Variants in ENTPD1 observed in about 807,000 individuals in gnomAD.
ENTPD1 encodes the protein ectonucleoside triphosphate diphosphohydrolase 1, also known as ATP diphosphohydrolase.
ENTPD1 carries 33 observed loss-of-function variants against 57.0 expected under a neutral mutation model. The observed-to-expected ratio is 0.58, with a 90% CI of 0.44 to 0.77. The LOEUF is 0.77. Ranked by LOEUF, ENTPD1 falls within the 30% of genes least tolerant of loss-of-function variation. The pLI is 0.00. For synonymous variants in ENTPD1, 202 were observed against 218.8 expected, an observed-to-expected ratio of 0.92 and a Z score of 0.68; for missense variants, 501 against 603.4, an observed-to-expected ratio of 0.83 and a Z score of 1.78.
Position 95,728,655 on chromosome 10 carries a change from A to G in ENTPD1, c.37+16662A>G, listed in dbSNP as rs1033633477. On this transcript the variant is annotated intron_variant, in intron 1 of 9. Transcript: ENST00000453258. ...ATGAGAGATCAGTTTTTACTGTGAC[A>G]CACAATTTACTGGAAAGATGAACTG... 2.6e-5 allele frequency among the ~76,000 whole-genome samples: 4 copies of G among 152,326 alleles called. No homozygotes were observed. The East Asian group carries it at 5.8e-4, about 22-fold the overall frequency.
intron 1 of ENTPD1, among the ~76,000 whole-genome samples, chr10:95,778,156 T>A (rs1481114407): frequency 1.3e-5 from 2 of 152,212 alleles, no homozygotes; most frequent in African/African-American, 2.4e-5. Context: ...CTGCACCCAC[T>A]GTCCAACCAG....
intron 7 of ENTPD1, among the ~76,000 whole-genome samples, chr10:95,849,272 T>C (rs2098440866): frequency 2.0e-5 from 3 of 152,236 alleles, no homozygotes; most frequent in African/African-American, 7.2e-5. Flanking sequence ...CATAGTTTAG[T>C]AGCATATTGA....
At chr10:95,778,094 C>A (rs527447988) in intron 1 of ENTPD1, among the ~76,000 whole-genome samples, 1 of 152,220 alleles carries the variant, frequency 6.6e-6, no homozygotes, top group African/African-American at 2.4e-5. Flanking sequence ...TGATCCCTTG[C>A]GCTTTCCAGG....
chr10:95,849,714 T>C (rs2098441639), intron 7 of ENTPD1, among the ~76,000 whole-genome samples: 1 of 152,242 alleles, frequency 6.6e-6, no homozygotes, highest in Non-Finnish European at 1.5e-5. Flanking sequence ...AGACAATGAC[T>C]GGCAGAGTAA....
At chr10:95,815,044 ACT>A (rs2098325334) in intron 1 of ENTPD1, among the ~76,000 whole-genome samples, 1 of 152,078 alleles carries the variant, frequency 6.6e-6, no homozygotes, top group African/African-American at 2.4e-5. Flanking sequence ...GTTTGTGCTG[ACT>A]TCTTTAAGTA....
intron 7 of ENTPD1, among the ~76,000 whole-genome samples, chr10:95,852,050 T>C (rs2098446195): frequency 2.6e-5 from 4 of 152,208 alleles, no homozygotes. Flanking sequence ...CCACCAACAG[T>C]GTAAAAGTGT....
chr10:95,704,014 C>A, the ENTPD1 span, among the ~76,000 whole-genome samples: 1 of 151,788 alleles, frequency 6.6e-6, no homozygotes, highest in South Asian at 2.1e-4. Context: ...TTGCTTGAAC[C>A]CGGGAGGCAG....
In ENTPD1 at chr10:95,869,382, T is replaced by C; in HGVS notation, c.*2999T>C. ...CTCCTGCCTCAGCCTCCCGAGTAGC[T>C]GGGATTGCAGGTGCCCACCACCACA... On this transcript the variant is annotated 3_prime_UTR_variant, in exon 10 of 10. Coordinates refer to ENST00000371205, the MANE Select transcript of ENTPD1 (RefSeq NM_001776.6). 1 of 702,434 alleles carries C rather than the reference T, an allele frequency of 1.4e-6. No homozygotes were observed. Among genetic ancestry groups the C allele is most frequent in the Non-Finnish European group, 1.7e-6 (1 of 572,256 alleles). 43.5% of individuals were successfully genotyped at this position (702,434 alleles called of 1,614,324 possible). A position where few individuals can be genotyped will look rare whatever the true frequency, so the allele number is the denominator to read the frequency against.
At chr10:95,863,959 T>C (rs1484849559) in intron 8 of ENTPD1, among the ~76,000 whole-genome samples, 1 of 152,142 alleles carries the variant, frequency 6.6e-6, no homozygotes, top group African/African-American at 2.4e-5. Context: ...CAGAGCAGGC[T>C]GTGGGTATCT....
At chr10:95,741,457 A>G (rs2098000226) in intron 1 of ENTPD1, among the ~76,000 whole-genome samples, 1 of 152,196 alleles carries the variant, frequency 6.6e-6, no homozygotes, top group Non-Finnish European at 1.5e-5. Flanking sequence ...ATAATGAAAA[A>G]TTTTAAATAT....
upstream of ENTPD1, among the ~76,000 whole-genome samples, chr10:95,706,865 C>T (rs554843202): frequency 4.8e-4 from 73 of 152,300 alleles, no homozygotes; most frequent in African/African-American, 1.8e-3. Context: ...TGCCCAGCAA[C>T]CTGTCTGCCT....
intron 1 of ENTPD1, among the ~76,000 whole-genome samples, chr10:95,819,678 T>C (rs1451326001): frequency 6.6e-6 from 1 of 152,038 alleles, no homozygotes; most frequent in East Asian, 1.9e-4. Flanking sequence ...AGGTGAAGAG[T>C]TGAAGTTAAT....
chr10:95,748,130 C>G (rs1049214058), intron 1 of ENTPD1, among the ~76,000 whole-genome samples: 3 of 152,228 alleles, frequency 2.0e-5, no homozygotes, highest in Non-Finnish European at 4.4e-5. Flanking sequence ...ACCTCGGCCT[C>G]CCAAAGTGCT....
chr10:95,867,245 A>G lies in ENTPD1; in HGVS notation c.*862A>G, dbSNP rs2098475511. 1 of 976,978 alleles carries G rather than the reference A, an allele frequency of 1.0e-6. No individual in the cohort carries two copies. Among genetic ancestry groups the G allele is most frequent in the South Asian group, 4.7e-5 (1 of 21,118 alleles). The allele number at this position is 976,978 out of a possible 1,614,324, so 60.5% of individuals were successfully genotyped here. ...CATAAATATAATTCACCATTTTAAC[A>G]TTTAATTCATATTAAATACGTACAA... On this transcript the variant is annotated 3_prime_UTR_variant, in exon 10 of 10. Coordinates refer to ENST00000371205, the MANE Select transcript of ENTPD1 (RefSeq NM_001776.6).
chr10:95,763,837 G>A (rs1033378637), intron 1 of ENTPD1, among the ~76,000 whole-genome samples: 2 of 152,168 alleles, frequency 1.3e-5, no homozygotes, highest in Non-Finnish European at 2.9e-5. Flanking sequence ...ACATTGGTTC[G>A]CACACTATTC....
chr10:95,780,549 A>G (rs2098153069), intron 1 of ENTPD1, among the ~76,000 whole-genome samples: 1 of 152,094 alleles, frequency 6.6e-6, no homozygotes, highest in African/African-American at 2.4e-5. Flanking sequence ...GCTTTTTGTA[A>G]TTTTTTTCCC....
rs1344944394 is a variant in ENTPD1 at position 95,867,793 on chromosome 10, T to A, written c.*1410T>A. 1 of 985,342 alleles carries A rather than the reference T, an allele frequency of 1.0e-6. No individual in the cohort carries two copies. Among genetic ancestry groups the A allele is most frequent in the Non-Finnish European group, 1.2e-6 (1 of 829,944 alleles). 61.0% of individuals were successfully genotyped at this position (985,342 alleles called of 1,614,324 possible). On this transcript the variant is annotated 3_prime_UTR_variant, in exon 10 of 10. Coordinates refer to ENST00000371205, the MANE Select transcript of ENTPD1 (RefSeq NM_001776.6). Reference sequence around the variant, plus strand: ...ATCTGGGGACTGACTGTTGAGCTGATGGGGAAAGAAAAGCTCTCACACAAA... The same window carrying A: ...ATCTGGGGACTGACTGTTGAGCTGAAGGGGAAAGAAAAGCTCTCACACAAA...
chr10:95,782,180 C>A (rs749204265), intron 1 of ENTPD1, among the ~76,000 whole-genome samples: 20 of 152,342 alleles, frequency 1.3e-4, no homozygotes, highest in Admixed American at 7.2e-4. Context: ...AAGTGCTTGA[C>A]TTTCACCACC....
chr10:95,812,761 T>C (rs1308144563), intron 1 of ENTPD1, among the ~76,000 whole-genome samples: 1 of 152,230 alleles, frequency 6.6e-6, no homozygotes, highest in Admixed American at 6.5e-5. Context: ...ATATTGTCAA[T>C]ATTTAAAAAA....
Sources: gnomAD v4.1 joint callset for allele counts (sites outside exome capture counted in the v4.1 genomes callset) on GRCh38, gnomAD v4.1.1 for gene constraint, MANE v1.5 for transcripts, NCBI Gene and HGNC (gene_info 2026-07-23, HGNC 2026-07-21) for gene names.